The following SP100 variants were observed in gnomAD, a reference collection of about 807,000 sequenced individuals.
The protein encoded by SP100 is SP100 nuclear body protein.
In SP100, 84 loss-of-function variants were observed where a neutral mutation model predicts 130.0. That is an observed-to-expected ratio of 0.65 (90% CI 0.54 to 0.77). SP100 has a LOEUF of 0.77. Among genes scored for constraint, SP100 ranks in the 30% least tolerant of loss-of-function variants. The pLI, the probability that SP100 is intolerant of heterozygous loss-of-function variation, is 0.00. For missense variants in SP100, 978 were observed against 1,052.2 expected (o/e 0.93, Z 0.97); for synonymous variants, 331 against 351.7 (o/e 0.94, Z 0.66).
chr2:230,526,063 G>C lies in SP100; in HGVS notation c.2095-13204G>C, dbSNP rs1480729155. ...CCTGAAGAGAGCAGTGGTTCTCTCA[G>C]CAAGGCATTTGAAGCCTGAGAATGG... On this transcript the variant is annotated intron_variant, in intron 24 of 28. Coordinates refer to ENST00000340126, the MANE Select transcript of SP100 (RefSeq NM_001080391.2). 2.6e-5 allele frequency among the ~76,000 whole-genome samples: 4 copies of C among 152,192 alleles called. No individual in the cohort carries two copies. In the East Asian group the frequency reaches 7.7e-4, roughly 29 times the overall value.
intron 16 of SP100, among the ~76,000 whole-genome samples, chr2:230,473,874 C>G (rs2065398852): frequency 1.3e-5 from 2 of 151,428 alleles, no homozygotes; most frequent in South Asian, 4.2e-4. Context: ...CGAGTTCCAT[C>G]CTTGTTCTTG....
At chr2:230,441,812 GT>G (rs1036861320) in intron 2 of SP100, among the ~76,000 whole-genome samples, 2 of 152,088 alleles carry the variant, frequency 1.3e-5, no homozygotes, top group African/African-American at 4.8e-5. Context: ...TTGGCTCTGT[GT>G]CTCCCTTCAA....
At chr2:230,432,778 C>G (rs1407078022) in intron 2 of SP100, among the ~76,000 whole-genome samples, 1 of 152,008 alleles carries the variant, frequency 6.6e-6, no homozygotes, top group Non-Finnish European at 1.5e-5. Flanking sequence ...ATATTTTCTC[C>G]CAGACTGTGA....
At chr2:230,528,256 G>T (rs182432713) in intron 24 of SP100, among the ~76,000 whole-genome samples, 94 of 152,292 alleles carry the variant, frequency 6.2e-4, no homozygotes, top group African/African-American at 2.2e-3. Flanking sequence ...AATTAAATTA[G>T]AACTCAAGAT....
chr2:230,421,138 C>T (rs983000620), intron 2 of SP100, among the ~76,000 whole-genome samples: 4 of 152,128 alleles, frequency 2.6e-5, no homozygotes, highest in Admixed American at 2.0e-4. Flanking sequence ...CCCGCCCCTC[C>T]CCGCCGACCC....
chr2:230,424,662 CCAT>C lies in SP100; in HGVS notation c.107+6999_107+7001del, dbSNP rs746288622. ...CCAGCCTGGGCAACAGAGTGAGACT[CCAT>C]CTCAAAAAAAAAAAAAAAAAGTGGG... On this transcript the variant is annotated intron_variant, in intron 2 of 28. Coordinates refer to ENST00000340126, the MANE Select transcript of SP100 (RefSeq NM_001080391.2). 4.0e-3 allele frequency among the ~76,000 whole-genome samples: 527 copies of C among 130,366 alleles called. 6 individuals carry two copies. Among genetic ancestry groups the C allele is most frequent in the Non-Finnish European group, 5.6e-3 (345 of 61,298 alleles). 85.5% of individuals were successfully genotyped at this position (130,366 alleles called of 152,430 possible). A position where few individuals can be genotyped will look rare whatever the true frequency, so the allele number is the denominator to read the frequency against.
intron 24 of SP100, among the ~76,000 whole-genome samples, chr2:230,527,187 T>A (rs139098140): frequency 0.028 from 4,240 of 152,234 alleles, 189 homozygotes; most frequent in African/African-American, 0.097. Flanking sequence ...AAGGTCGGGT[T>A]ACCCACAAAG....
At chr2:230,514,201 T>C (rs1039497027) in intron 24 of SP100, among the ~76,000 whole-genome samples, 4 of 152,180 alleles carry the variant, frequency 2.6e-5, no homozygotes, top group Non-Finnish European at 4.4e-5. Context: ...GAACAAGTCA[T>C]CAATTTATAG....
At chr2:230,518,954 C>T (rs556089974) in intron 24 of SP100, among the ~76,000 whole-genome samples, 6 of 152,248 alleles carry the variant, frequency 3.9e-5, no homozygotes, top group Admixed American at 6.5e-5. Flanking sequence ...TCTGTTACTA[C>T]AGAGAGGTTT....
At chr2:230,422,919 C>A (rs1253947338) in intron 2 of SP100, among the ~76,000 whole-genome samples, 1 of 152,178 alleles carries the variant, frequency 6.6e-6, no homozygotes, top group East Asian at 1.9e-4. Flanking sequence ...AACTTTGTGA[C>A]CTACAATTTT....
intron 11 of SP100, 90 bp downstream of exon 11, chr2:230,464,240 G>T (rs2064817973): frequency 1.2e-6 from 1 of 810,606 alleles, no homozygotes; most frequent in Non-Finnish European, 2.1e-6. Context: ...CATTCTGAGT[G>T]GTCTCCTTAT....
intron 24 of SP100, among the ~76,000 whole-genome samples, chr2:230,524,366 A>AAAAAAAG (rs1691325584): frequency 6.7e-6 from 1 of 149,526 alleles, no homozygotes; most frequent in Non-Finnish European, 1.5e-5. Context: ...CAAAAAAAAA[A>AAAAAAAG]AAAAAGAAAA....
intron 8 of SP100, among the ~76,000 whole-genome samples, chr2:230,459,381 C>T (rs757658356): frequency 3.3e-5 from 5 of 151,958 alleles, no homozygotes; most frequent in Admixed American, 6.6e-5. Context: ...TCAAAATGGC[C>T]CCTGTGACTC....
At chr2:230,481,937 G>A (rs1006303777) in intron 17 of SP100, among the ~76,000 whole-genome samples, 19 of 152,136 alleles carry the variant, frequency 1.2e-4, no homozygotes, top group African/African-American at 3.6e-4. Flanking sequence ...CCTCCATGGA[G>A]AGGCCTTGCC....
chr2:230,469,055 C>T lies in SP100; in HGVS notation c.1304C>T (p.Ser435Phe). ...SKHGEKAPMT[S>F]RSTSTWRIPS... ...CTTTACTTTCTAGCTCCTATGACTT[C>T]TAGAAGTACATCTACTTGGAGAATA... is the stretch of plus-strand genomic sequence containing the variant. Residue 435 changes from serine (S) to phenylalanine (F), a missense_variant, in exon 14 of 29, where the codon TCT (serine) becomes TTT (phenylalanine). Coordinates refer to ENST00000340126, the MANE Select transcript of SP100 (RefSeq NM_001080391.2). The T allele has an allele frequency of 6.3e-7, 1 of 1,595,050 alleles. No homozygotes were observed.
intron 17 of SP100, among the ~76,000 whole-genome samples, chr2:230,491,537 G>C (rs2066390471): frequency 6.6e-6 from 1 of 152,228 alleles, no homozygotes; most frequent in Non-Finnish European, 1.5e-5. Context: ...GAGAAGCATG[G>C]CCTGGAGCTA....
chr2:230,461,808 A>G (rs1289548572), intron 9 of SP100, among the ~76,000 whole-genome samples: 2 of 151,852 alleles, frequency 1.3e-5, no homozygotes, highest in Admixed American at 6.6e-5. Context: ...AATTAGCCAG[A>G]CAAGGTGACA....
chr2:230,435,800 A>G (rs1033728966), intron 2 of SP100, among the ~76,000 whole-genome samples: 3 of 152,174 alleles, frequency 2.0e-5, no homozygotes, highest in African/African-American at 7.2e-5. Context: ...CCCACTTATA[A>G]GTGAGAACAT....
In SP100 at chr2:230,451,299, T is replaced by C. The variant is rs139148105; in HGVS notation, c.820+1044T>C. Among the ~76,000 whole-genome samples the C allele has an allele frequency of 9.2e-3, 1,408 of 152,294 alleles. 23 individuals carry two copies. The highest frequency in any genetic ancestry group is 0.032 in the African/African-American group (1,349 of 41,558). On this transcript the variant is annotated intron_variant, in intron 8 of 28. Coordinates refer to ENST00000340126, the MANE Select transcript of SP100 (RefSeq NM_001080391.2). ...CTTTTCTGCACATCCTCACCAACAT[T>C]TGTTATCTTTAGTCTTTTTGATAAT... is the stretch of plus-strand genomic sequence containing the variant.
Sources: gnomAD v4.1 joint callset for allele counts (sites outside exome capture counted in the v4.1 genomes callset) on GRCh38, gnomAD v4.1.1 for gene constraint, MANE v1.5 for transcripts, NCBI Gene and HGNC (gene_info 2026-07-23, HGNC 2026-07-21) for gene names.